MYO1G: variants seen among roughly 807,000 people sequenced by gnomAD.
MYO1G encodes unconventional myosin-Ig.
Under a neutral mutation model 115.3 loss-of-function variants are expected in MYO1G, and 65 were observed. The observed-to-expected ratio is 0.56, with a 90% CI of 0.46 to 0.69. The LOEUF (loss-of-function observed/expected upper bound fraction) is 0.69. MYO1G is among the 30% of genes least tolerant of loss of function. The probability of loss-of-function intolerance (pLI) is 0.00; values close to 1 mark genes in which losing one functional copy is unlikely to be tolerated. For missense variants in MYO1G, 1,204 were observed against 1,393.5 expected (o/e 0.86, Z 2.16); for synonymous variants, 510 against 552.6 (o/e 0.92, Z 1.08).
rs1259136736 is a variant in MYO1G at position 44,963,851 on chromosome 7, T to C, written c.2745+198A>G. On this transcript the variant is annotated intron_variant, in intron 20 of 21. Coordinates refer to ENST00000258787, the MANE Select transcript of MYO1G (RefSeq NM_033054.3). The surrounding 1 kb of genome is among the most constrained non-coding windows in gnomAD (Gnocchi z 4.1). Reference sequence around the variant, plus strand: ...TGGGGGGTGACTGGGCTGGTGGGGATCACAGGATGGGACCTTTCACTCTGT... The same window carrying C: ...TGGGGGGTGACTGGGCTGGTGGGGACCACAGGATGGGACCTTTCACTCTGT... 3 of 576,214 alleles carry C rather than the reference T, an allele frequency of 5.2e-6. No homozygotes were observed. Among genetic ancestry groups the C allele is most frequent in the Non-Finnish European group, 9.4e-6 (3 of 319,736 alleles). 35.7% of individuals were successfully genotyped at this position (576,214 alleles called of 1,614,324 possible). A position where few individuals can be genotyped will look rare whatever the true frequency, so the allele number is the denominator to read the frequency against.
chr7:44,966,451 C>A lies in MYO1G; in HGVS notation c.1950-171G>T. ...ATACACATGTCCTCACATACATGTC[C>A]TCACACAGCCCTCATACCCATGTTC... On this transcript the variant is annotated intron_variant, in intron 15 of 21. Coordinates refer to ENST00000258787, the MANE Select transcript of MYO1G (RefSeq NM_033054.3). The surrounding 1 kb of genome is among the most constrained non-coding windows in gnomAD (Gnocchi z 5.0). 1.2e-6 allele frequency: 1 copy of A among 810,924 alleles called. No homozygotes were observed. The highest frequency in any genetic ancestry group is 2.1e-6 in the Non-Finnish European group (1 of 484,102). 50.2% of individuals were successfully genotyped at this position (810,924 alleles called of 1,614,324 possible). A position where few individuals can be genotyped will look rare whatever the true frequency, so the allele number is the denominator to read the frequency against.
intron 14 of MYO1G, 124 bp downstream of exon 14, chr7:44,967,481 C>T (rs1209544932): frequency 9.9e-6 from 13 of 1,319,580 alleles, no homozygotes; most frequent in African/African-American, 5.8e-5. Context: ...GTGGCTCATA[C>T]AGACAGGACA....
rs1305178170 is a variant in MYO1G, at chr7:44,975,542, T to C, written c.506A>G (p.Asn169Ser). ...GATCGGGTCCCCCTTGAAGTCAAAG[T>C]TGATGTCCATGTACTTGCCAAAGCG... Reference protein sequence around the residue: ...SSRFGKYMDINFDFKGDPIGG... With the variant: ...SSRFGKYMDISFDFKGDPIGG... Residue 169 changes from asparagine (N) to serine (S), a missense_variant, in exon 4 of 22, where the codon AAC becomes AGC. Transcript: ENST00000258787. The C allele has an allele frequency of 1.9e-6, 3 of 1,613,890 alleles. No individual in the cohort carries two copies. Among genetic ancestry groups the C allele is most frequent in the Non-Finnish European group, 2.5e-6 (3 of 1,179,938 alleles).
chr7:44,971,274 C>G (rs1255566784), intron 7 of MYO1G, among the ~76,000 whole-genome samples: 1 of 146,634 alleles, frequency 6.8e-6, no homozygotes, highest in Admixed American at 6.7e-5. Context: ...GCCAAGGCCT[C>G]GAGGCCTCGA....
Position 44,962,845 on chromosome 7 carries a change from T to C in MYO1G, c.2951A>G (p.His984Arg), listed in dbSNP as rs1425346013. ...VRVSDCIPLS[H>R]RGVRRLISVE... ...GGAGATGAGGCGCCGGACCCCGCGATGGCTTAGTGGGATGCAGTCGGAGAC... is the reference window on the plus strand; with the variant it reads ...GGAGATGAGGCGCCGGACCCCGCGACGGCTTAGTGGGATGCAGTCGGAGAC... Residue 984 changes from histidine (H) to arginine (R), a missense_variant, in exon 22 of 22, where the codon CAT becomes CGT. Coordinates refer to ENST00000258787, the MANE Select transcript of MYO1G (RefSeq NM_033054.3). This position sits in a 1 kb window ranked among gnomAD's most constrained non-coding sequence, Gnocchi z 5.3. The C allele has an allele frequency of 1.3e-6, 2 of 1,508,980 alleles. No individual in the cohort carries two copies. The highest frequency in any genetic ancestry group is 8.8e-7 in the Non-Finnish European group (1 of 1,131,966). 93.5% of individuals were successfully genotyped at this position (1,508,980 alleles called of 1,614,324 possible).
chr7:44,969,488 G>A lies in MYO1G; in HGVS notation c.1504-5C>T. ...GGTCTTGTCTGTGGGGCAGAGCTAT[G>A]GGGACAGGCTGAGGTCAAGGCACAA... On this transcript the variant is annotated splice_region_variant and splice_polypyrimidine_tract_variant and intron_variant, in intron 11 of 21. Coordinates refer to ENST00000258787, the MANE Select transcript of MYO1G (RefSeq NM_033054.3). This position sits in a 1 kb window ranked among gnomAD's most constrained non-coding sequence, Gnocchi z 5.0. 6.2e-7 allele frequency: 1 copy of A among 1,613,800 alleles called. No homozygotes were observed. The highest frequency in any genetic ancestry group is 8.5e-7 in the Non-Finnish European group (1 of 1,179,968).
In MYO1G at chr7:44,970,717, A is replaced by G; in HGVS notation, c.1092T>C (p.Phe364=). 1 of 1,613,858 alleles carries G rather than the reference A, an allele frequency of 6.2e-7. No individual in the cohort carries two copies. Among genetic ancestry groups the G allele is most frequent in the Non-Finnish European group, 8.5e-7 (1 of 1,179,996 alleles). The change falls in exon 9 of 22, where the codon TTT becomes TTC. Residue 364 remains phenylalanine (F), a synonymous_variant. Transcript: ENST00000258787. ...TGTTGATCCTGTTCACCACCCACTC[A>G]AACAGCCGCTGGTACACTGCCTGGG... The part of the protein sequence containing the change: ...ACAKAVYQRL[F]EWVVNRINSV...
At chr7:44,972,006 A>C (rs1258021888) in intron 6 of MYO1G, 109 bp downstream of exon 6, 1 of 941,012 alleles carries the variant, frequency 1.1e-6, no homozygotes, top group African/African-American at 1.6e-5. Flanking sequence ...CCACTCACGC[A>C]AACAGTTCAC....
chr7:44,975,118 G>T (rs977615781), intron 5 of MYO1G, 56 bp downstream of exon 5: 104 of 1,565,242 alleles, frequency 6.6e-5, no homozygotes, highest in Non-Finnish European at 8.3e-5. Flanking sequence ...GGTCCAGCTT[G>T]CTGCCCTCCC....
At chr7:44,967,580 A>G in intron 14 of MYO1G, 25 bp downstream of exon 14, 1 of 1,613,452 alleles carries the variant, frequency 6.2e-7, no homozygotes, top group South Asian at 1.1e-5. Context: ...CGGAACAGCC[A>G]GAGTGGGAGA....
intron 4 of MYO1G, 57 bp from the exon 5 acceptor site, chr7:44,975,284 C>A (rs1049117493): frequency 3.1e-6 from 5 of 1,594,570 alleles, no homozygotes; most frequent in Non-Finnish European, 4.3e-6. Context: ...CCCTGGGGAC[C>A]CCATCTGAAC....
At chr7:44,965,934 CTGAGCATTTAT>C (rs1794833457) in intron 16 of MYO1G, 74 bp from the exon 17 acceptor site, 1 of 1,553,386 alleles carries the variant, frequency 6.4e-7, no homozygotes, top group East Asian at 2.3e-5. Flanking sequence ...AAACCTGGCC[CTGAGCATTTAT>C]TGAGCACTCC....
At chr7:44,978,774 C>G in intron 1 of MYO1G, 93 bp downstream of exon 1, 1 of 1,236,554 alleles carries the variant, frequency 8.1e-7, no homozygotes, top group East Asian at 2.3e-5. Flanking sequence ...CCTTGGACAG[C>G]AGCGTGCCTT....
At chr7:44,977,570 G>A (rs1231828556) in intron 1 of MYO1G, among the ~76,000 whole-genome samples, 1 of 152,118 alleles carries the variant, frequency 6.6e-6, no homozygotes, top group Non-Finnish European at 1.5e-5. Flanking sequence ...CAGATGACAG[G>A]GAGGGAGTTG....
rs1467323940 is a variant in MYO1G at position 44,969,107 on chromosome 7, C to A, written c.1574+306G>T. The A allele has an allele frequency of 3.2e-6, 1 of 310,194 alleles. No individual in the cohort carries two copies. The highest frequency in any genetic ancestry group is 3.5e-5 in the South Asian group (1 of 28,880). The allele number at this position is 310,194 out of a possible 1,614,324, so 19.2% of individuals were successfully genotyped here. On this transcript the variant is annotated intron_variant, in intron 12 of 21. Coordinates refer to ENST00000258787, the MANE Select transcript of MYO1G (RefSeq NM_033054.3). The surrounding 1 kb of genome is among the most constrained non-coding windows in gnomAD (Gnocchi z 5.0). The stretch of plus-strand genomic sequence containing the variant: ...TTCCACTCCCTCCCCACCCCCACAT[C>A]ACCAGCCTGAAGCCCCCCACCCCAC...
At chr7:44,965,524 C>T (rs1562827098) in intron 17 of MYO1G, 113 bp downstream of exon 17, 2 of 1,003,504 alleles carry the variant, frequency 2.0e-6, no homozygotes, top group South Asian at 1.5e-5. Context: ...ACCTTCCCAC[C>T]TATCAAGGGG....
Position 44,964,378 on chromosome 7 carries a change from A to G in MYO1G, c.2631+37T>C, listed in dbSNP as rs748761701. The G allele has an allele frequency of 7.0e-6, 11 of 1,576,450 alleles. No individual in the cohort carries two copies. The highest frequency in any genetic ancestry group is 9.6e-6 in the Non-Finnish European group (11 of 1,146,402). On this transcript the variant is annotated intron_variant, in intron 19 of 21. Transcript: ENST00000258787. This position sits in a 1 kb window ranked among gnomAD's most constrained non-coding sequence, Gnocchi z 5.1. ...ACCTTGCAGACGTGGCTAGAAAAAG[A>G]GCACAGCCCTGAAGCCATCCTTGTC...
At position 44,966,410 on chromosome 7, in the gene MYO1G, G is replaced by A. The variant is rs546096487; in HGVS notation, c.1950-130C>T. The A allele has an allele frequency of 3.2e-4, 286 of 887,490 alleles. 1 individual carries two copies. Among genetic ancestry groups the A allele is most frequent in the African/African-American group, 2.0e-3 (120 of 60,746 alleles). The allele number at this position is 887,490 out of a possible 1,614,324, so 55.0% of individuals were successfully genotyped here. On this transcript the variant is annotated intron_variant, in intron 15 of 21. Transcript: ENST00000258787. The surrounding 1 kb of genome is among the most constrained non-coding windows in gnomAD (Gnocchi z 5.0). ...TTCCTGGAGCACTTATGACACCTGT[G>A]CACATATGTCTTCCCATACACATGT... is the stretch of plus-strand genomic sequence containing the variant.
In MYO1G at chr7:44,970,690, A is replaced by C. The variant is rs758593558; in HGVS notation, c.1119T>G (p.Ser373Arg). 25 of 1,613,732 alleles carry C rather than the reference A, an allele frequency of 1.5e-5. No homozygotes were observed. Among genetic ancestry groups the C allele is most frequent in the Non-Finnish European group, 1.9e-5 (22 of 1,179,996 alleles). The change falls in exon 9 of 22, where the codon AGT becomes AGG. Residue 373 changes from serine (S) to arginine (R), a missense_variant. Physicochemically the swap from Ser to Arg is moderately radical, Grantham distance 110. Coordinates refer to ENST00000258787, the MANE Select transcript of MYO1G (RefSeq NM_033054.3). ...LFEWVVNRINSVMEPRGRDPR... is the reference protein window; with the variant it reads ...LFEWVVNRINRVMEPRGRDPR... ...GATCCCGGCCCCGGGGTTCCATGACACTGTTGATCCTGTTCACCACCCACT... is the reference window on the plus strand; with the variant it reads ...GATCCCGGCCCCGGGGTTCCATGACCCTGTTGATCCTGTTCACCACCCACT...
Sources: allele counts gnomAD v4.1 joint callset (sites outside exome capture counted in the v4.1 genomes callset), GRCh38; gene constraint gnomAD v4.1.1; non-coding constraint Gnocchi (gnomAD v3.1); transcripts MANE v1.5; gene names NCBI Gene and HGNC (gene_info 2026-07-23, HGNC 2026-07-21).